Variants in MYO6 observed in about 807,000 individuals in gnomAD.
MYO6 encodes unconventional myosin-VI.
In MYO6, 74 loss-of-function variants were observed where a neutral mutation model predicts 178.7. That is an observed-to-expected ratio of 0.41 (90% CI 0.34 to 0.50). The LOEUF (loss-of-function observed/expected upper bound fraction) is 0.50, where lower values mean the gene tolerates loss of function less well. Among genes scored for constraint, MYO6 ranks in the 20% least tolerant of loss-of-function variants. The probability of loss-of-function intolerance (pLI) is 0.09; values close to 1 mark genes in which losing one functional copy is unlikely to be tolerated. For synonymous variants in MYO6, 477 were observed against 504.6 expected, an observed-to-expected ratio of 0.95 and a Z score of 0.73; for missense variants, 1,330 against 1,547.4, an observed-to-expected ratio of 0.86 and a Z score of 2.36.
Position 75,892,646 on chromosome 6 carries a change from C to T in MYO6, c.3063C>T (p.Ala1021=), listed in dbSNP as rs369384374. 21 of 1,612,756 alleles carry T rather than the reference C, an allele frequency of 1.3e-5. No homozygotes were observed. Among genetic ancestry groups the T allele is most frequent in the East Asian group, 8.9e-5 (4 of 44,894 alleles). The change falls in exon 28 of 35, where the codon GCC becomes GCT. Residue 1021 remains alanine (A), a synonymous_variant. Coordinates refer to ENST00000369977, the MANE Select transcript of MYO6 (RefSeq NM_004999.4). ...ELALRIAQSE[A]ELISDEAQAD... The stretch of plus-strand genomic sequence containing the variant: ...CCCTGAGGATTGCCCAGAGTGAAGC[C>T]GAGCTCATCAGTGATGAGGCCCAGG...
chr6:75,882,502 G>A (rs186436496), intron 23 of MYO6, among the ~76,000 whole-genome samples: 1 of 152,170 alleles, frequency 6.6e-6, no homozygotes, highest in African/African-American at 2.4e-5. Context: ...CTTAAATCCT[G>A]TTTTTTGAAC....
chr6:75,912,709 A>G (rs1050444978), intron 33 of MYO6, among the ~76,000 whole-genome samples: 6 of 152,094 alleles, frequency 3.9e-5, no homozygotes, highest in African/African-American at 1.4e-4. Flanking sequence ...TTAGTTTTGA[A>G]TTAGTACATT....
At chr6:75,754,625 C>T (rs1777191445) in intron 1 of MYO6, among the ~76,000 whole-genome samples, 1 of 143,840 alleles carries the variant, frequency 7.0e-6, no homozygotes, top group Non-Finnish European at 1.5e-5. Flanking sequence ...TGTGGATGAA[C>T]ATCTTTTTCA....
chr6:75,853,029 C>T (rs1307033931), intron 11 of MYO6, among the ~76,000 whole-genome samples: 1 of 152,114 alleles, frequency 6.6e-6, no homozygotes, highest in African/African-American at 2.4e-5. Flanking sequence ...TTATAGCAAT[C>T]GTACAGGGTG....
At chr6:75,848,623 G>T (rs1391920819) in intron 11 of MYO6, 92 bp downstream of exon 11, 24 of 1,311,834 alleles carry the variant, frequency 1.8e-5, no homozygotes, top group Non-Finnish European at 2.3e-5. Context: ...TATGCAGTTT[G>T]CTTAAAAACT....
rs144051285 is a variant in MYO6 at position 75,805,239 on chromosome 6, G to T, written c.-47-12262G>T. The stretch of plus-strand genomic sequence containing the variant: ...GGGTTTCACCGTGTTAGCCAGGCTG[G>T]TCTCGAACTCCTGCCTCGGCCTCCC... On this transcript the variant is annotated intron_variant, in intron 1 of 34. Coordinates refer to ENST00000369977, the MANE Select transcript of MYO6 (RefSeq NM_004999.4). 0.013 allele frequency among the ~76,000 whole-genome samples: 1,984 copies of T among 151,526 alleles called. 73 individuals carry two copies. The East Asian group carries it at 0.15, about 11-fold the overall frequency.
At chr6:75,882,036 C>G (rs1445983390) in intron 23 of MYO6, among the ~76,000 whole-genome samples, 1 of 152,078 alleles carries the variant, frequency 6.6e-6, no homozygotes, top group African/African-American at 2.4e-5. Flanking sequence ...GTGTCAGTTT[C>G]ATAGTGTCCT....
At chr6:75,912,666 A>G (rs1438804500) in intron 33 of MYO6, among the ~76,000 whole-genome samples, 1 of 152,124 alleles carries the variant, frequency 6.6e-6, no homozygotes, top group Non-Finnish European at 1.5e-5. Flanking sequence ...ATTCTAATTC[A>G]CTACTTTAGA....
At chr6:75,900,002 T>TG (rs1403964630) in intron 30 of MYO6, among the ~76,000 whole-genome samples, 1 of 150,960 alleles carries the variant, frequency 6.6e-6, no homozygotes, top group East Asian at 2.0e-4. Context: ...TTTTTGTTCT[T>TG]GCGATAGTTT....
At chr6:75,782,531 T>TA (rs1470659427) in intron 1 of MYO6, among the ~76,000 whole-genome samples, 1 of 152,204 alleles carries the variant, frequency 6.6e-6, no homozygotes, top group African/African-American at 2.4e-5. Flanking sequence ...TGGTGATTAT[T>TA]ACGGATCTCT....
chr6:75,835,751 A>C, intron 6 of MYO6, 150 bp from the exon 7 acceptor site: 1 of 631,706 alleles, frequency 1.6e-6, no homozygotes, highest in Non-Finnish European at 2.8e-6. Context: ...ATTTTAAATA[A>C]ATTTAAAAAG....
rs377497672 is a variant in MYO6 at position 75,769,061 on chromosome 6, G to A, written c.-48+19638G>A. On this transcript the variant is annotated intron_variant, in intron 1 of 34. Coordinates refer to ENST00000369977, the MANE Select transcript of MYO6 (RefSeq NM_004999.4). ...CAACCAGATTTCTTGTGAACTCAGAGCGAGCACTCACTCATTTGTGGGGGT... is the reference window on the plus strand; with the variant it reads ...CAACCAGATTTCTTGTGAACTCAGAACGAGCACTCACTCATTTGTGGGGGT... Among the ~76,000 whole-genome samples, 8 of 152,298 alleles carry A rather than the reference G, an allele frequency of 5.3e-5. No homozygotes were observed. In the East Asian group the frequency reaches 1.4e-3, roughly 26 times the overall value.
intron 16 of MYO6, among the ~76,000 whole-genome samples, chr6:75,866,278 T>TGTGG (rs1554212787): frequency 1.4e-5 from 2 of 142,332 alleles, no homozygotes; most frequent in Non-Finnish European, 1.5e-5. Context: ...TCTGTCTCTG[T>TGTGG]GTGTGTGTGT....
At chr6:75,820,873 A>G (rs1048365613) in intron 2 of MYO6, among the ~76,000 whole-genome samples, 9 of 152,052 alleles carry the variant, frequency 5.9e-5, no homozygotes, top group African/African-American at 2.2e-4. Flanking sequence ...ATAATTGTTT[A>G]CTTTGTCTCT....
intron 25 of MYO6, among the ~76,000 whole-genome samples, chr6:75,888,916 G>T (rs1159323396): frequency 6.6e-6 from 1 of 151,836 alleles, no homozygotes; most frequent in African/African-American, 2.4e-5. Flanking sequence ...ATTTTGTTTT[G>T]ATTTTTATTT....
chr6:75,849,730 T>A (rs1265568323), intron 11 of MYO6, among the ~76,000 whole-genome samples: 1 of 152,128 alleles, frequency 6.6e-6, no homozygotes, highest in Non-Finnish European at 1.5e-5. Context: ...AGGCGGGAAA[T>A]ACGTGCAGGG....
intron 11 of MYO6, among the ~76,000 whole-genome samples, chr6:75,854,679 A>G (rs1462712874): frequency 6.6e-6 from 1 of 152,168 alleles, no homozygotes; most frequent in Non-Finnish European, 1.5e-5. Flanking sequence ...CTTATTACGT[A>G]TATGCATAAA....
chr6:75,830,347 A>G (rs759196277), intron 4 of MYO6, 69 bp from the exon 5 acceptor site: 69 of 1,453,700 alleles, frequency 4.7e-5, no homozygotes, highest in Non-Finnish European at 5.2e-5. Flanking sequence ...TATTTTTTCT[A>G]TGAGCTTTGT....
intron 29 of MYO6, 137 bp downstream of exon 29, chr6:75,895,397 T>C (rs1250648093): frequency 6.9e-6 from 5 of 726,442 alleles, no homozygotes; most frequent in Non-Finnish European, 1.2e-5. Flanking sequence ...TTTTCTTGTC[T>C]AGGAAAGTTT....
Sources: allele counts gnomAD v4.1 joint callset (sites outside exome capture counted in the v4.1 genomes callset), GRCh38; gene constraint gnomAD v4.1.1; transcripts MANE v1.5; gene names NCBI Gene and HGNC (gene_info 2026-07-23, HGNC 2026-07-21).